The following FKRP variants were observed in gnomAD, a reference collection of about 807,000 sequenced individuals.
The protein encoded by FKRP is ribitol 5-phosphate transferase FKRP.
A neutral mutation model predicts 30.6 loss-of-function variants in FKRP; 25 were observed. The observed-to-expected ratio is 0.82, with a 90% CI of 0.60 to 1.14. The LOEUF (loss-of-function observed/expected upper bound fraction) is 1.14. Among genes scored for constraint, FKRP ranks in the 50% most tolerant of loss-of-function variants. FKRP has a pLI of 0.00. For missense variants in FKRP, 771 were observed against 727.8 expected (o/e 1.06, Z -0.68); for synonymous variants, 358 against 342.5 (o/e 1.05, Z -0.50).
chr19:46,746,033 C>T (rs1255989752), upstream of FKRP: 3 of 1,216,986 alleles, frequency 2.5e-6, no homozygotes, highest in Non-Finnish European at 3.1e-6. Context: ...CCCCTCCCGC[C>T]CCCCCGCCGG....
chr19:46,756,343 G>A lies in FKRP; in HGVS notation c.893G>A (p.Gly298Glu). Residue 298 changes from glycine (G) to glutamate (E), a missense_variant, in exon 4 of 4, where the codon GGA (glycine) becomes GAA (glutamate). By Grantham distance (98) the Gly-to-Glu change is moderately conservative (BLOSUM62 -2). Coordinates refer to ENST00000318584, the MANE Select transcript of FKRP (RefSeq NM_024301.5). This position sits in a 1 kb window ranked among gnomAD's most constrained non-coding sequence, Gnocchi z 6.6. Reference protein sequence around the residue: ...GCNKETTRCFGTVVGDTPAYL... With the variant: ...GCNKETTRCFETVVGDTPAYL... ...AACAAGGAGACCACGCGCTGCTTCG[G>A]AACCGTGGTGGGCGACACGCCCGCC... The A allele has an allele frequency of 2.6e-6, 4 of 1,558,884 alleles. No individual in the cohort carries two copies. Among genetic ancestry groups the A allele is most frequent in the Non-Finnish European group, 3.5e-6 (4 of 1,155,220 alleles).
Position 46,756,270 on chromosome 19 carries a change from A to T in FKRP, c.820A>T (p.Ile274Phe), listed in dbSNP as rs1060502107. 6.6e-7 allele frequency: 1 copy of T among 1,506,992 alleles called. No homozygotes were observed. Among genetic ancestry groups the T allele is most frequent in the Non-Finnish European group, 8.8e-7 (1 of 1,131,260 alleles). The allele number at this position is 1,506,992 out of a possible 1,614,324, so 93.4% of individuals were successfully genotyped here. The part of the protein sequence containing the change: ...RRAALLRALG[I>F]RLVSWEGGRL... The stretch of plus-strand genomic sequence containing the variant: ...GGCGGCGCTGCTCCGCGCGCTGGGC[A>T]TCCGCCTAGTGAGCTGGGAAGGCGG... The change falls in exon 4 of 4, where the codon ATC (isoleucine) becomes TTC (phenylalanine). Residue 274 changes from isoleucine to phenylalanine, a missense_variant. Coordinates refer to ENST00000318584, the MANE Select transcript of FKRP (RefSeq NM_024301.5). This position sits in a 1 kb window ranked among gnomAD's most constrained non-coding sequence, Gnocchi z 6.6.
chr19:46,751,184 T>C (rs2054784130), intron 3 of FKRP, among the ~76,000 whole-genome samples: 1 of 151,718 alleles, frequency 6.6e-6, no homozygotes, highest in Non-Finnish European at 1.5e-5. Flanking sequence ...TACCTCAGCC[T>C]CCTAAGTAAC....
At chr19:46,751,482 A>T (rs1049134491) in intron 3 of FKRP, among the ~76,000 whole-genome samples, 1 of 151,482 alleles carries the variant, frequency 6.6e-6, no homozygotes, top group Non-Finnish European at 1.5e-5. Context: ...GGGTTCAAGC[A>T]ATTCTCCTGC....
In FKRP at chr19:46,756,372, C is replaced by G. The variant is rs1247366318; in HGVS notation, c.922C>G (p.Leu308Val). Residue 308 changes from leucine (L) to valine (V), a missense_variant, in exon 4 of 4, where the codon CTC becomes GTC. By Grantham distance (32) the Leu-to-Val change is conservative (BLOSUM62 1). Transcript: ENST00000318584. This position sits in a 1 kb window ranked among gnomAD's most constrained non-coding sequence, Gnocchi z 6.6. ...CGTGGTGGGCGACACGCCCGCCTAC[C>G]TCTACGAGGAGCGCTGGACGCCCCC... ...GTVVGDTPAY[L>V]YEERWTPPCC... The G allele has an allele frequency of 6.4e-7, 1 of 1,563,028 alleles. No individual in the cohort carries two copies. Among genetic ancestry groups the G allele is most frequent in the Non-Finnish European group, 8.7e-7 (1 of 1,155,776 alleles).
In FKRP at chr19:46,758,184, C is replaced by G. The variant is rs2054964903; in HGVS notation, c.*1246C>G. 6.0e-6 allele frequency: 1 copy of G among 167,104 alleles called. No individual in the cohort carries two copies. The highest frequency in any genetic ancestry group is 2.4e-5 in the African/African-American group (1 of 41,456). The allele number at this position is 167,104 out of a possible 1,614,324, so 10.4% of individuals were successfully genotyped here. A position where few individuals can be genotyped will look rare whatever the true frequency, so the allele number is the denominator to read the frequency against. On this transcript the variant is annotated 3_prime_UTR_variant, in exon 4 of 4. Coordinates refer to ENST00000318584, the MANE Select transcript of FKRP (RefSeq NM_024301.5). ...AGCTGAGGCCAGAATCGTGAAGTCA[C>G]TTGCTCAAGGTCAGGCAGCTTAGGA...
chr19:46,755,886 G>A lies in FKRP; in HGVS notation c.436G>A (p.Glu146Lys), dbSNP rs2054903245. 6 of 1,503,256 alleles carry A rather than the reference G, an allele frequency of 4.0e-6. No individual in the cohort carries two copies. The South Asian group carries it at 6.3e-5, about 16-fold the overall frequency. The allele number at this position is 1,503,256 out of a possible 1,614,324, so 93.1% of individuals were successfully genotyped here. A position where few individuals can be genotyped will look rare whatever the true frequency, so the allele number is the denominator to read the frequency against. The change falls in exon 4 of 4, where the codon GAG (glutamate) becomes AAG (lysine). Residue 146 changes from glutamate to lysine, a missense_variant. Glu to Lys is a moderately conservative substitution (Grantham distance 56). Transcript: ENST00000318584. ...EAPGLLERMV[E>K]ALRAGSARLV... ...ACCTGGCCTGCTGGAGCGCATGGTGGAGGCGCTCCGCGCAGGAAGCGCACG... is the reference window on the plus strand; with the variant it reads ...ACCTGGCCTGCTGGAGCGCATGGTGAAGGCGCTCCGCGCAGGAAGCGCACG...
In FKRP at chr19:46,756,035, C is replaced by T. The variant is rs75079578; in HGVS notation, c.585C>T (p.Asp195=). ...CCGCGCCCCGCTGCGACGCCCTGGA[C>T]GGAGATGCTGTGGTGCTCCTGCGCG... is the stretch of plus-strand genomic sequence containing the variant. ...APAAPRCDAL[D]GDAVVLLRAR... is the part of the protein sequence containing the mutation. Residue 195 remains aspartate, a synonymous_variant, in exon 4 of 4, where the codon GAC becomes GAT. Coordinates refer to ENST00000318584, the MANE Select transcript of FKRP (RefSeq NM_024301.5). This position sits in a 1 kb window ranked among gnomAD's most constrained non-coding sequence, Gnocchi z 6.6. 2,925 of 1,579,756 alleles carry T rather than the reference C, an allele frequency of 1.9e-3. 39 individuals carry two copies. In the African/African-American group the frequency reaches 0.033, roughly 18 times the overall value.
intron 3 of FKRP, among the ~76,000 whole-genome samples, chr19:46,753,207 T>C (rs8113327): frequency 0.2 from 29,200 of 149,166 alleles, 3,083 homozygotes; most frequent in Non-Finnish European, 0.24. Context: ...GGCTCACGCC[T>C]GTAATCCCAG....
intron 3 of FKRP, among the ~76,000 whole-genome samples, chr19:46,753,162 C>CAAA (rs879468829): frequency 7.6e-6 from 1 of 132,336 alleles, no homozygotes. Flanking sequence ...GACTCCGTCT[C>CAAA]AAAAAAAAAA....
rs868310782 is a variant in FKRP at position 46,756,869 on chromosome 19, C to T, written c.1419C>T (p.Phe473=). 8.1e-6 allele frequency: 13 copies of T among 1,611,166 alleles called. No homozygotes were observed. Among genetic ancestry groups the T allele is most frequent in the Non-Finnish European group, 1.0e-5 (12 of 1,179,136 alleles). Residue 473 remains phenylalanine (F), a synonymous_variant, in exon 4 of 4, where the codon TTC becomes TTT. Transcript: ENST00000318584. This position sits in a 1 kb window ranked among gnomAD's most constrained non-coding sequence, Gnocchi z 6.6. ...ACCGCCGCTTCCTGGAGCTCAAGTT[C>T]GGGCCCGGGGTCATCGAGAACCCCC... ...NNYRRFLELK[F]GPGVIENPQY...
At chr19:46,750,258 AT>A (rs1174313303) in intron 3 of FKRP, among the ~76,000 whole-genome samples, 1 of 152,118 alleles carries the variant, frequency 6.6e-6, no homozygotes, top group Non-Finnish European at 1.5e-5. Flanking sequence ...GTACTAGATG[AT>A]TCCTTTCCCC....
At chr19:46,751,413 T>C (rs2054788789) in intron 3 of FKRP, among the ~76,000 whole-genome samples, 1 of 147,416 alleles carries the variant, frequency 6.8e-6, no homozygotes, top group South Asian at 2.2e-4. Context: ...AGTTTTGTTG[T>C]TGTTGCCCAG....
intron 3 of FKRP, 178 bp downstream of exon 3, chr19:46,748,843 G>A (rs938152623): frequency 2.6e-5 from 4 of 152,254 alleles, no homozygotes; most frequent in Admixed American, 2.6e-4. Flanking sequence ...CTGAGTTCAA[G>A]TGATTCTCAC....
Position 46,746,070 on chromosome 19 carries a change from T to A in FKRP, c.-273T>A. ...CGTCCCGGCGGCCATTGCTCCAAGA[T>A]GGCGGCGGCGGCGGCAGCGGGTGAG... On this transcript the variant is annotated 5_prime_UTR_variant, in exon 1 of 4. An upstream start codon of the reference 5' UTR is lost. Coordinates refer to ENST00000318584, the MANE Select transcript of FKRP (RefSeq NM_024301.5). 2 of 1,216,534 alleles carry A rather than the reference T, an allele frequency of 1.6e-6. No homozygotes were observed. The highest frequency in any genetic ancestry group is 2.1e-6 in the Non-Finnish European group (2 of 965,196). The allele number at this position is 1,216,534 out of a possible 1,614,324, so 75.4% of individuals were successfully genotyped here.
upstream of FKRP, chr19:46,745,666 G>A (rs2054574131): frequency 6.5e-6 from 1 of 152,752 alleles, no homozygotes; most frequent in East Asian, 1.9e-4. Flanking sequence ...TCGGGGTCGG[G>A]GTCGGGAGTC....
At position 46,757,026 on chromosome 19, in the gene FKRP, C is replaced by A; in HGVS notation, c.*88C>A. On this transcript the variant is annotated 3_prime_UTR_variant, in exon 4 of 4. Coordinates refer to ENST00000318584, the MANE Select transcript of FKRP (RefSeq NM_024301.5). Reference sequence around the variant, plus strand: ...AGCGGTGAGGGGTGGAGGGATGTCGCGGAGAGGGGAAGGGGGAAACTGACC... The same window carrying A: ...AGCGGTGAGGGGTGGAGGGATGTCGAGGAGAGGGGAAGGGGGAAACTGACC... The A allele has an allele frequency of 1.3e-6, 2 of 1,532,862 alleles. No homozygotes were observed. Among genetic ancestry groups the A allele is most frequent in the South Asian group, 1.2e-5 (1 of 86,380 alleles). 95.0% of individuals were successfully genotyped at this position (1,532,862 alleles called of 1,614,324 possible). A position where few individuals can be genotyped will look rare whatever the true frequency, so the allele number is the denominator to read the frequency against.
At chr19:46,744,771 G>A (rs985249406), upstream of FKRP, among the ~76,000 whole-genome samples, 2 of 151,806 alleles carry the variant, frequency 1.3e-5, no homozygotes, top group Non-Finnish European at 2.9e-5. Context: ...GGAAAGGTGG[G>A]CTGCTACAAG....
Position 46,755,601 on chromosome 19 carries a change from G to T in FKRP, c.151G>T (p.Val51Phe), listed in dbSNP as rs769377092. 6.2e-7 allele frequency: 1 copy of T among 1,605,856 alleles called. No individual in the cohort carries two copies. Among genetic ancestry groups the T allele is most frequent in the Non-Finnish European group, 8.5e-7 (1 of 1,177,332 alleles). Residue 51 changes from valine (V) to phenylalanine (F), a missense_variant, in exon 4 of 4, where the codon GTC becomes TTC. Transcript: ENST00000318584. ...RASAAGPRVTVLVREFEAFDN... is the reference protein window; with the variant it reads ...RASAAGPRVTFLVREFEAFDN... ...CTCTGCTGCCGGCCCCCGTGTCACC[G>T]TCCTGGTGCGGGAGTTCGAGGCATT...
Sources: gnomAD v4.1 joint callset for allele counts (sites outside exome capture counted in the v4.1 genomes callset) on GRCh38, gnomAD v4.1.1 for gene constraint, Gnocchi (gnomAD v3.1) non-coding constraint, MANE v1.5 for transcripts, NCBI Gene and HGNC (gene_info 2026-07-23, HGNC 2026-07-21) for gene names.